NFIB: variants seen among roughly 807,000 people sequenced by gnomAD.
The protein encoded by NFIB is nuclear factor 1 B-type.
A neutral mutation model predicts 61.5 loss-of-function variants in NFIB; 11 were observed. The observed-to-expected ratio is 0.18, with a 90% CI of 0.11 to 0.30. The LOEUF (loss-of-function observed/expected upper bound fraction) is 0.30. Among genes scored for constraint, NFIB ranks in the 10% least tolerant of loss-of-function variants. The probability of loss-of-function intolerance (pLI) is 1.00; values close to 1 mark genes in which losing one functional copy is unlikely to be tolerated. For missense variants in NFIB, 471 were observed against 608.9 expected (o/e 0.77, Z 2.38); for synonymous variants, 260 against 216.5 (o/e 1.20, Z -1.76).
intron 1 of NFIB, chr9:14,357,271 C>T (rs1302230704): frequency 6.6e-6 from 1 of 152,116 alleles, no homozygotes; most frequent in Non-Finnish European, 1.5e-5. Context: ...TTCCCAAACC[C>T]CATGACTCTG....
At chr9:14,172,288 T>A (rs78624416) in intron 3 of NFIB, among the ~76,000 whole-genome samples, 1 of 152,108 alleles carries the variant, frequency 6.6e-6, no homozygotes, top group South Asian at 2.1e-4. Context: ...GAACAAAAGA[T>A]GTATGTTTTA....
chr9:14,165,355 A>G (rs1318783976), intron 3 of NFIB, among the ~76,000 whole-genome samples: 1 of 152,178 alleles, frequency 6.6e-6, no homozygotes, highest in Non-Finnish European at 1.5e-5. Flanking sequence ...CCAACCAATG[A>G]AAGATCAAGC....
the NFIB span, among the ~76,000 whole-genome samples, chr9:14,481,197 G>GTGTA: frequency 5.4e-3 from 247 of 45,792 alleles, 6 homozygotes; most frequent in African/African-American, 0.014. Context: ...GTGTGTGTGT[G>GTGTA]TATATATATA....
chr9:14,374,495 G>A (rs1378072638), intron 1 of NFIB, among the ~76,000 whole-genome samples: 3 of 152,136 alleles, frequency 2.0e-5, no homozygotes, highest in Non-Finnish European at 4.4e-5. Context: ...ATTAATTGAG[G>A]TTTCTGTGAG....
intron 3 of NFIB, among the ~76,000 whole-genome samples, chr9:14,171,508 T>G (rs1260654828): frequency 6.6e-6 from 1 of 152,016 alleles, no homozygotes; most frequent in Non-Finnish European, 1.5e-5. Context: ...TGTTCAGAGG[T>G]CAAATAAGGG....
the NFIB span, among the ~76,000 whole-genome samples, chr9:14,487,769 C>T: frequency 6.6e-6 from 1 of 152,226 alleles, no homozygotes; most frequent in Non-Finnish European, 1.5e-5. Context: ...TTAGTTCTTG[C>T]AAACCTTCAG....
At chr9:14,100,703 G>C (rs1294765609) in intron 10 of NFIB, among the ~76,000 whole-genome samples, 3 of 152,224 alleles carry the variant, frequency 2.0e-5, no homozygotes, top group African/African-American at 4.8e-5. Context: ...GACAGAGCGA[G>C]ACTCCGTCTC....
At chr9:14,299,696 T>C (rs1196132187) in intron 2 of NFIB, among the ~76,000 whole-genome samples, 3 of 152,238 alleles carry the variant, frequency 2.0e-5, no homozygotes. Context: ...TTTAATTATA[T>C]AGTCCTTGTT....
chr9:14,475,181 A>G, the NFIB span, among the ~76,000 whole-genome samples: 1 of 152,238 alleles, frequency 6.6e-6, no homozygotes, highest in Non-Finnish European at 1.5e-5. Context: ...AGATACTAGT[A>G]TTACCATCCT....
chr9:14,204,554 A>T lies in NFIB; in HGVS notation c.563-24774T>A. 2.2e-6 allele frequency: 3 copies of T among 1,367,098 alleles called. No homozygotes were observed. The East Asian group carries it at 7.0e-5, about 32-fold the overall frequency. 84.7% of individuals were successfully genotyped at this position (1,367,098 alleles called of 1,614,324 possible). On this transcript the variant is annotated intron_variant, in intron 2 of 10. Transcript: ENST00000380953. ...GCTGCTTAAGCTGCCCCACAAGTAC[A>T]GACCAGAGACAAAGCAAGAGAAGAA...
At chr9:14,234,378 T>G (rs1320738060) in intron 2 of NFIB, among the ~76,000 whole-genome samples, 1 of 152,054 alleles carries the variant, frequency 6.6e-6, no homozygotes, top group Non-Finnish European at 1.5e-5. Flanking sequence ...TTACTCTTTT[T>G]TTTTTTTTCT....
intron 2 of NFIB, among the ~76,000 whole-genome samples, chr9:14,304,169 A>G (rs1022709260): frequency 1.3e-5 from 2 of 152,250 alleles, no homozygotes; most frequent in African/African-American, 2.4e-5. Context: ...GTAGCACTAT[A>G]GCTTGTGTCA....
At chr9:14,298,910 T>A (rs561664483) in intron 2 of NFIB, among the ~76,000 whole-genome samples, 7 of 152,290 alleles carry the variant, frequency 4.6e-5, no homozygotes, top group South Asian at 4.1e-4. Context: ...GGTAGCAGGG[T>A]TCCTGACACC....
chr9:14,209,531 C>T (rs2050091836), intron 2 of NFIB, among the ~76,000 whole-genome samples: 1 of 152,220 alleles, frequency 6.6e-6, no homozygotes, highest in African/African-American at 2.4e-5. Flanking sequence ...TCCATTAACT[C>T]TTTGCAAGTT....
At chr9:14,256,668 T>C (rs1055498874) in intron 2 of NFIB, among the ~76,000 whole-genome samples, 1 of 152,192 alleles carries the variant, frequency 6.6e-6, no homozygotes, top group Admixed American at 6.5e-5. Context: ...CTCAGAACCA[T>C]GAGAATCACA....
chr9:14,497,887 C>A, the NFIB span, among the ~76,000 whole-genome samples: 3 of 152,134 alleles, frequency 2.0e-5, no homozygotes, highest in South Asian at 6.2e-4. Flanking sequence ...TAACGGGAAG[C>A]CTCAAGATGA....
chr9:14,268,120 CAAA>C (rs60610470), intron 2 of NFIB, among the ~76,000 whole-genome samples: 10 of 134,656 alleles, frequency 7.4e-5, no homozygotes, highest in African/African-American at 8.3e-5. Flanking sequence ...GATTCCATCT[CAAA>C]AAAAAAAAAA....
chr9:14,335,658 G>A (rs1467998638), intron 1 of NFIB, among the ~76,000 whole-genome samples: 1 of 152,130 alleles, frequency 6.6e-6, no homozygotes, highest in Non-Finnish European at 1.5e-5. Flanking sequence ...TCTTCTAACA[G>A]GTTCTTTAGA....
exon 1 of NFIB, chr9:14,398,577 T>C (rs936971057): frequency 1.3e-6 from 2 of 1,535,412 alleles, no homozygotes; most frequent in Admixed American, 2.0e-5. Context: ...GGGTTACATT[T>C]CAGAACTGCA....
Sources: allele counts gnomAD v4.1 joint callset (sites outside exome capture counted in the v4.1 genomes callset), GRCh38; gene constraint gnomAD v4.1.1; transcripts MANE v1.5; gene names NCBI Gene and HGNC (gene_info 2026-07-23, HGNC 2026-07-21).